Variants in GOLPH3 observed in about 807,000 individuals in gnomAD.
The protein encoded by GOLPH3 is coat protein GPP34.
GOLPH3 carries 14 observed loss-of-function variants against 28.5 expected under a neutral mutation model. That is an observed-to-expected ratio of 0.49 (90% CI 0.32 to 0.77). GOLPH3 has a LOEUF of 0.77. Among genes scored for constraint, GOLPH3 ranks in the 30% least tolerant of loss-of-function variants. The pLI, the probability that GOLPH3 is intolerant of heterozygous loss-of-function variation, is 0.03. For synonymous variants in GOLPH3, 158 were observed against 159.2 expected, an observed-to-expected ratio of 0.99 and a Z score of 0.06; for missense variants, 350 against 393.7, an observed-to-expected ratio of 0.89 and a Z score of 0.94.
chr5:32,173,743 T>C, intron 1 of GOLPH3, 67 bp downstream of exon 1: 3 of 1,162,684 alleles, frequency 2.6e-6, no homozygotes, highest in Non-Finnish European at 3.3e-6. Context: ...ACCTGGCACC[T>C]ACCTGGAGCT....
chr5:32,137,684 T>G (rs185429879), intron 2 of GOLPH3, among the ~76,000 whole-genome samples: 2 of 151,918 alleles, frequency 1.3e-5, no homozygotes, highest in Admixed American at 1.3e-4. Context: ...CATTGAGATA[T>G]AGAATCCATT....
intron 1 of GOLPH3, among the ~76,000 whole-genome samples, chr5:32,166,912 T>C (rs1351508895): frequency 1.3e-5 from 2 of 151,628 alleles, no homozygotes; most frequent in Admixed American, 6.6e-5. Flanking sequence ...GACTACAGCA[T>C]AGTTTTATAC....
intron 2 of GOLPH3, 93 bp downstream of exon 2, chr5:32,143,656 C>T (rs1746131897): frequency 1.8e-6 from 2 of 1,120,328 alleles, no homozygotes; most frequent in Non-Finnish European, 2.5e-6. Context: ...TTAATATCAA[C>T]TTCCACTTTA....
At chr5:32,159,553 C>T (rs1381957566) in intron 1 of GOLPH3, among the ~76,000 whole-genome samples, 1 of 152,182 alleles carries the variant, frequency 6.6e-6, no homozygotes, top group African/African-American at 2.4e-5. Context: ...AAAGTGTGAG[C>T]AGACACTCCC....
At chr5:32,154,548 T>C (rs115945810) in intron 1 of GOLPH3, among the ~76,000 whole-genome samples, 4 of 152,312 alleles carry the variant, frequency 2.6e-5, no homozygotes, top group Non-Finnish European at 5.9e-5. Context: ...ACAATTATAG[T>C]TGATGTAGAT....
intron 3 of GOLPH3, among the ~76,000 whole-genome samples, chr5:32,128,668 TAAAAAC>T (rs931505120): frequency 6.6e-6 from 1 of 151,592 alleles, no homozygotes; most frequent in African/African-American, 2.4e-5. Context: ...TCTCACAATT[TAAAAAC>T]AAAAACAAAA....
At chr5:32,150,322 T>C (rs1350279899) in intron 1 of GOLPH3, among the ~76,000 whole-genome samples, 1 of 151,570 alleles carries the variant, frequency 6.6e-6, no homozygotes, top group African/African-American at 2.4e-5. Flanking sequence ...AGTCTCAGCA[T>C]TATTATTAGT....
Position 32,126,022 on chromosome 5 carries a change from C to G in GOLPH3, c.*190G>C, listed in dbSNP as rs1244907676. On this transcript the variant is annotated 3_prime_UTR_variant, in exon 4 of 4. Transcript: ENST00000265070. The stretch of plus-strand genomic sequence containing the variant: ...ATGGCAGTAAAACTTTTTTTAAAAA[C>G]AGAAAGAGGAAGGCCTCTCGTACCA... 1.9e-6 allele frequency: 1 copy of G among 534,154 alleles called. No homozygotes were observed. The highest frequency in any genetic ancestry group is 1.9e-5 in the African/African-American group (1 of 51,324). 33.1% of individuals were successfully genotyped at this position (534,154 alleles called of 1,614,324 possible). A position where few individuals can be genotyped will look rare whatever the true frequency, so the allele number is the denominator to read the frequency against.
At chr5:32,148,911 G>A (rs1581547401) in intron 1 of GOLPH3, among the ~76,000 whole-genome samples, 1 of 152,122 alleles carries the variant, frequency 6.6e-6, no homozygotes, top group Non-Finnish European at 1.5e-5. Flanking sequence ...GGAGGCAGAG[G>A]TTGCAGTAAG....
chr5:32,152,448 T>TA (rs1476968284), intron 1 of GOLPH3, among the ~76,000 whole-genome samples: 2 of 145,740 alleles, frequency 1.4e-5, no homozygotes, highest in East Asian at 2.0e-4. Context: ...TTTTTTTTTT[T>TA]AAACTACATG....
At chr5:32,164,643 G>T (rs183697956) in intron 1 of GOLPH3, among the ~76,000 whole-genome samples, 1 of 151,848 alleles carries the variant, frequency 6.6e-6, no homozygotes. Flanking sequence ...TGATCCACCC[G>T]CCTCAACTCC....
At chr5:32,156,720 C>T (rs567234102) in intron 1 of GOLPH3, among the ~76,000 whole-genome samples, 1 of 152,132 alleles carries the variant, frequency 6.6e-6, no homozygotes, top group African/African-American at 2.4e-5. Context: ...TCATCACATG[C>T]GCAGCTCATA....
intron 1 of GOLPH3, among the ~76,000 whole-genome samples, chr5:32,162,163 T>G (rs1276938104): frequency 6.6e-6 from 1 of 151,042 alleles, no homozygotes; most frequent in Non-Finnish European, 1.5e-5. Context: ...AGAACAAAGG[T>G]AGAGATAAAT....
intron 1 of GOLPH3, among the ~76,000 whole-genome samples, chr5:32,167,705 C>T (rs117200904): frequency 0.032 from 4,763 of 148,202 alleles, 148 homozygotes; most frequent in East Asian, 0.17. Context: ...AATCCCAGAA[C>T]TTTGGGAGGC....
At position 32,173,860 on chromosome 5, in the gene GOLPH3, G is replaced by T; in HGVS notation, c.175C>A (p.Arg59=). ...DDDKGDSKET[R]LTLMEEVLLL... ...AGCACTTCCTCCATCAGGGTCAGCC[G>T]CGTTTCCTTGGAGTCGCCCTTGTCG... Residue 59 remains arginine, a synonymous_variant, in exon 1 of 4, where the codon CGG becomes AGG. Coordinates refer to ENST00000265070, the MANE Select transcript of GOLPH3 (RefSeq NM_022130.4). 5.2e-6 allele frequency: 8 copies of T among 1,525,328 alleles called. No homozygotes were observed. Among genetic ancestry groups the T allele is most frequent in the Non-Finnish European group, 7.0e-6 (8 of 1,139,042 alleles). 94.5% of individuals were successfully genotyped at this position (1,525,328 alleles called of 1,614,324 possible).
chr5:32,136,220 C>A (rs1322171468), intron 2 of GOLPH3, among the ~76,000 whole-genome samples: 1 of 152,108 alleles, frequency 6.6e-6, no homozygotes, highest in Non-Finnish European at 1.5e-5. Flanking sequence ...TGGCTCACTC[C>A]TGTAATCCCA....
intron 2 of GOLPH3, among the ~76,000 whole-genome samples, chr5:32,142,430 A>C (rs1482620636): frequency 6.7e-6 from 1 of 149,606 alleles, no homozygotes; most frequent in Non-Finnish European, 1.5e-5. Flanking sequence ...CCGGGAAGTG[A>C]GGAGCGTCTC....
intron 3 of GOLPH3, among the ~76,000 whole-genome samples, 166 bp from the exon 4 acceptor site, chr5:32,126,802 G>A (rs572423741): frequency 6.6e-6 from 1 of 152,142 alleles, no homozygotes; most frequent in African/African-American, 2.4e-5. Context: ...AGCCTAGCCA[G>A]ACCTTTGGAT....
At chr5:32,167,259 C>T (rs1397539193) in intron 1 of GOLPH3, among the ~76,000 whole-genome samples, 1 of 152,140 alleles carries the variant, frequency 6.6e-6, no homozygotes, top group East Asian at 1.9e-4. Flanking sequence ...GCAACCTCCG[C>T]CTCTCAGGTT....
Sources: gnomAD v4.1 joint callset for allele counts (sites outside exome capture counted in the v4.1 genomes callset) on GRCh38, gnomAD v4.1.1 for gene constraint, MANE v1.5 for transcripts, NCBI Gene and HGNC (gene_info 2026-07-23, HGNC 2026-07-21) for gene names.